Variants in CTNNA3 observed in about 807,000 individuals in gnomAD.
The protein encoded by CTNNA3 is catenin alpha-3.
CTNNA3 carries 76 observed loss-of-function variants against 95.7 expected under a neutral mutation model. The ratio of observed to expected loss-of-function variants is 0.79; its 90% CI spans 0.66 to 0.96. The LOEUF is 0.96. Ranked by LOEUF, CTNNA3 falls within the 40% of genes least tolerant of loss-of-function variation. The probability of loss-of-function intolerance (pLI) is 0.00; values close to 1 mark genes in which losing one functional copy is unlikely to be tolerated. For missense variants in CTNNA3, 1,191 were observed against 1,089.8 expected (o/e 1.09, Z -1.31); for synonymous variants, 431 against 374.4 (o/e 1.15, Z -1.74).
At chr10:66,195,489 T>G (rs930196393) in intron 13 of CTNNA3, among the ~76,000 whole-genome samples, 45 of 70,416 alleles carry the variant, frequency 6.4e-4, no homozygotes, top group African/African-American at 3.0e-3. Flanking sequence ...GATCAAATAG[T>G]TTTTGGAGAT....
intron 7 of CTNNA3, among the ~76,000 whole-genome samples, chr10:66,879,036 T>C (rs571367016): frequency 1.3e-5 from 2 of 152,264 alleles, no homozygotes; most frequent in East Asian, 1.9e-4. Context: ...TCAACAATTC[T>C]GTGATAGAGG....
chr10:67,196,975 G>A (rs191731049), intron 6 of CTNNA3, among the ~76,000 whole-genome samples: 10 of 152,090 alleles, frequency 6.6e-5, no homozygotes, highest in Middle Eastern at 3.4e-3. Context: ...AAATATAGAC[G>A]CAATGGTGAT....
At chr10:66,015,156 A>C (rs2133404324) in intron 15 of CTNNA3, among the ~76,000 whole-genome samples, 1 of 152,056 alleles carries the variant, frequency 6.6e-6, no homozygotes, top group South Asian at 2.1e-4. Flanking sequence ...TTGATTTAAT[A>C]AAATTTACTT....
intron 1 of CTNNA3, among the ~76,000 whole-genome samples, chr10:67,725,208 G>A (rs548468032): frequency 9.2e-4 from 135 of 147,452 alleles, no homozygotes; most frequent in Admixed American, 5.4e-4. Context: ...CGGGAGTCTC[G>A]CTCTGTTGCC....
Position 66,483,857 on chromosome 10 carries a change from T to C in CTNNA3, c.1531+36760A>G, listed in dbSNP as rs189800019. Among the ~76,000 whole-genome samples, 179 of 152,234 alleles carry C rather than the reference T, an allele frequency of 1.2e-3. 3 individuals are homozygous for C. The highest frequency in any genetic ancestry group is 1.4e-3 in the Admixed American group (22 of 15,278). Reference sequence around the variant, plus strand: ...CTAGTTTCCATTGCCAAGAATTAGATTAACTTAAAAGAAGAGAAAAAAACT... The same window carrying C: ...CTAGTTTCCATTGCCAAGAATTAGACTAACTTAAAAGAAGAGAAAAAAACT... On this transcript the variant is annotated intron_variant, in intron 11 of 17. Transcript: ENST00000433211.
At chr10:66,331,542 C>T (rs528651849) in intron 12 of CTNNA3, among the ~76,000 whole-genome samples, 6 of 151,326 alleles carry the variant, frequency 4.0e-5, no homozygotes, top group East Asian at 1.9e-4. Flanking sequence ...TTAGTAGAGA[C>T]GGGGTTTCAC....
chr10:67,443,942 A>G (rs1846641151), intron 5 of CTNNA3, among the ~76,000 whole-genome samples: 1 of 152,206 alleles, frequency 6.6e-6, no homozygotes, highest in African/African-American at 2.4e-5. Flanking sequence ...CTAATGTTTA[A>G]GTCTTTAATC....
intron 15 of CTNNA3, among the ~76,000 whole-genome samples, chr10:66,039,569 C>T (rs1220723302): frequency 1.3e-5 from 2 of 152,096 alleles, no homozygotes; most frequent in African/African-American, 4.8e-5. Context: ...AGAAATAAGA[C>T]TGCCCACACA....
intron 6 of CTNNA3, among the ~76,000 whole-genome samples, chr10:67,187,839 A>G (rs1380835994): frequency 6.6e-6 from 1 of 151,952 alleles, no homozygotes; most frequent in African/African-American, 2.4e-5. Flanking sequence ...ACCTGCCTTG[A>G]CCTCCCACAG....
intron 7 of CTNNA3, among the ~76,000 whole-genome samples, chr10:66,997,436 A>G (rs1185508641): frequency 6.6e-6 from 1 of 152,216 alleles, no homozygotes; most frequent in Non-Finnish European, 1.5e-5. Context: ...GCATGATTTA[A>G]TCTAACAACT....
intron 13 of CTNNA3, among the ~76,000 whole-genome samples, chr10:66,250,504 A>C (rs2090506843): frequency 6.6e-6 from 1 of 152,204 alleles, no homozygotes; most frequent in African/African-American, 2.4e-5. Context: ...ATTAGGCATT[A>C]CATGCCTATA....
chr10:67,552,664 C>CT (rs1841074974), intron 3 of CTNNA3, among the ~76,000 whole-genome samples: 1 of 152,036 alleles, frequency 6.6e-6, no homozygotes, highest in African/African-American at 2.4e-5. Context: ...GATGCTCTCC[C>CT]TCCCCAACCC....
chr10:66,455,116 C>T (rs985333188), intron 11 of CTNNA3, among the ~76,000 whole-genome samples: 5 of 152,000 alleles, frequency 3.3e-5, no homozygotes, highest in Non-Finnish European at 5.9e-5. Context: ...CATCCTCAAC[C>T]TGGTGAAGAA....
At chr10:67,763,289 T>A (rs532845761) in intron 1 of CTNNA3, among the ~76,000 whole-genome samples, 185 of 150,328 alleles carry the variant, frequency 1.2e-3, no homozygotes, top group African/African-American at 4.3e-3. Flanking sequence ...AAAAAAAAAA[T>A]TCCTAAAAGA....
At chr10:66,508,210 G>GTTTTTTTTTTTTTTTTTTTTTTTTTTTTT (rs756807793) in intron 11 of CTNNA3, among the ~76,000 whole-genome samples, 23 of 108,406 alleles carry the variant, frequency 2.1e-4, no homozygotes, top group African/African-American at 6.7e-4. Context: ...TTTGTTTTCT[G>GTTTTTTTTTTTTTTTTTTTTTTTTTTTTT]TTTTTTTTTT....
chr10:66,542,239 A>G (rs1390344792), intron 10 of CTNNA3, among the ~76,000 whole-genome samples: 2 of 152,064 alleles, frequency 1.3e-5, no homozygotes, highest in Admixed American at 6.6e-5. Context: ...TCAGGAAACA[A>G]CAGGTGCTGG....
chr10:66,147,253 T>G (rs1280126737), intron 13 of CTNNA3, among the ~76,000 whole-genome samples: 1 of 152,100 alleles, frequency 6.6e-6, no homozygotes, highest in Non-Finnish European at 1.5e-5. Flanking sequence ...GGACAATCAT[T>G]CTATGAAATA....
intron 7 of CTNNA3, among the ~76,000 whole-genome samples, chr10:67,037,877 C>T (rs923679584): frequency 6.6e-6 from 1 of 151,974 alleles, no homozygotes; most frequent in African/African-American, 2.4e-5. Context: ...TATGGAAACC[C>T]AGAGAGGTTG....
chr10:66,162,328 G>A (rs2084896469), intron 13 of CTNNA3, among the ~76,000 whole-genome samples: 1 of 151,998 alleles, frequency 6.6e-6, no homozygotes, highest in Non-Finnish European at 1.5e-5. Flanking sequence ...TTTTCGTCTG[G>A]GTAGGCTCTG....
Sources: gnomAD v4.1 joint callset for allele counts (sites outside exome capture counted in the v4.1 genomes callset) on GRCh38, gnomAD v4.1.1 for gene constraint, MANE v1.5 for transcripts, NCBI Gene and HGNC (gene_info 2026-07-23, HGNC 2026-07-21) for gene names.